ZNF438: variants seen among roughly 807,000 people sequenced by gnomAD.
The protein encoded by ZNF438 is zinc finger protein 438.
ZNF438 carries 25 observed loss-of-function variants against 38.0 expected under a neutral mutation model. The ratio of observed to expected loss-of-function variants is 0.66; its 90% confidence interval spans 0.48 to 0.92. The LOEUF is 0.92. ZNF438 is among the 40% of genes least tolerant of loss of function. The pLI, the probability that ZNF438 is intolerant of heterozygous loss-of-function variation, is 0.00. For missense variants in ZNF438, 1,007 were observed against 999.6 expected, an observed-to-expected ratio of 1.01 and a Z score of -0.10; for synonymous variants, 372 against 364.1, an observed-to-expected ratio of 1.02 and a Z score of -0.25.
chr10:31,026,414 TCAA>T (rs963445948), intron 1 of ZNF438, among the ~76,000 whole-genome samples: 42 of 151,972 alleles, frequency 2.8e-4, no homozygotes, highest in Admixed American at 2.1e-3. Context: ...AACAACCCCA[TCAA>T]CAAGTGTGCA....
At chr10:30,924,518 A>C (rs1011567236) in intron 2 of ZNF438, among the ~76,000 whole-genome samples, 1 of 152,352 alleles carries the variant, frequency 6.6e-6, no homozygotes, top group East Asian at 1.9e-4. Flanking sequence ...TTCCTGAGAA[A>C]GGAACTCAGA....
At chr10:30,927,048 T>C (rs7915093) in intron 2 of ZNF438, among the ~76,000 whole-genome samples, 97,549 of 152,108 alleles carry the variant, frequency 0.64, 32,476 homozygotes, top group African/African-American at 0.82. Context: ...GTGACCATAA[T>C]ACACGTTGTC....
chr10:30,960,637 G>A (rs1447211077), intron 1 of ZNF438, among the ~76,000 whole-genome samples: 1 of 146,420 alleles, frequency 6.8e-6, no homozygotes, highest in African/African-American at 2.4e-5. Context: ...CTATGCCACG[G>A]CCACGTTGTC....
At chr10:30,885,646 C>T (rs1194822316) in intron 3 of ZNF438, among the ~76,000 whole-genome samples, 3 of 152,168 alleles carry the variant, frequency 2.0e-5, no homozygotes, top group Non-Finnish European at 2.9e-5. Context: ...ATACACTCCT[C>T]ATGCTCTCCT....
intron 3 of ZNF438, among the ~76,000 whole-genome samples, chr10:30,889,832 T>C (rs1269860801): frequency 1.3e-5 from 2 of 152,170 alleles, no homozygotes; most frequent in Non-Finnish European, 2.9e-5. Context: ...GAGATGTACA[T>C]TTCTAACTGA....
At chr10:30,962,233 T>G (rs1238865690) in intron 1 of ZNF438, among the ~76,000 whole-genome samples, 1 of 147,086 alleles carries the variant, frequency 6.8e-6, no homozygotes, top group Non-Finnish European at 1.5e-5. Flanking sequence ...ATTTTAGATA[T>G]AAGCTTCAGC....
At position 30,957,027 on chromosome 10, in the gene ZNF438, T is replaced by A. The variant is rs530254642; in HGVS notation, c.-191-15376A>T. On this transcript the variant is annotated intron_variant, in intron 1 of 5. Coordinates refer to ENST00000413025, the Ensembl canonical transcript of ZNF438. ...CCCACCAACAGTGTAAATTAACAGT[T>A]CCCTTTTCTCCACATCCTTGCCAGG... Among the ~76,000 whole-genome samples the A allele has an allele frequency of 1.8e-4, 28 of 152,340 alleles. No individual in the cohort carries two copies. The East Asian group carries it at 5.2e-3, about 28-fold the overall frequency.
chr10:31,013,196 G>A (rs1458362943), intron 1 of ZNF438, among the ~76,000 whole-genome samples: 5 of 152,148 alleles, frequency 3.3e-5, no homozygotes, highest in Non-Finnish European at 7.3e-5. Flanking sequence ...GCGGGCGCCT[G>A]TAGTCCCAGC....
intron 3 of ZNF438, among the ~76,000 whole-genome samples, chr10:30,900,216 T>C (rs373721438): frequency 4.6e-5 from 7 of 152,192 alleles, no homozygotes; most frequent in Admixed American, 3.9e-4. Flanking sequence ...TCACAAAATA[T>C]CATCCTTTGT....
At chr10:30,915,087 T>C (rs1260957856) in intron 2 of ZNF438, among the ~76,000 whole-genome samples, 8 of 152,042 alleles carry the variant, frequency 5.3e-5, no homozygotes, top group Admixed American at 5.2e-4. Flanking sequence ...AAATGAAATA[T>C]CATAAATCAT....
chr10:30,967,492 TAAG>T (rs1489216398), intron 1 of ZNF438, among the ~76,000 whole-genome samples: 2 of 152,232 alleles, frequency 1.3e-5, no homozygotes, highest in Non-Finnish European at 2.9e-5. Context: ...AAGTGTGTTT[TAAG>T]AAGAAAAGAT....
intron 3 of ZNF438, among the ~76,000 whole-genome samples, chr10:30,901,918 G>A (rs1477958306): frequency 6.6e-6 from 1 of 152,044 alleles, no homozygotes; most frequent in Non-Finnish European, 1.5e-5. Context: ...ACAGACTTTC[G>A]CTGTGAGTGT....
At chr10:30,871,967 TACCTTTAAATAA>T (rs1206436177) in intron 4 of ZNF438, among the ~76,000 whole-genome samples, 1 of 152,196 alleles carries the variant, frequency 6.6e-6, no homozygotes, top group Non-Finnish European at 1.5e-5. Context: ...ATTTGAAAAC[TACCTTTAAATAA>T]CACAAATGTT....
intron 1 of ZNF438, among the ~76,000 whole-genome samples, chr10:30,947,920 T>A (rs796311371): frequency 6.6e-6 from 1 of 152,138 alleles, no homozygotes; most frequent in South Asian, 2.1e-4. Context: ...TGTCTGGCAC[T>A]CCCTAGTGAG....
intron 3 of ZNF438, among the ~76,000 whole-genome samples, chr10:30,895,752 G>A (rs1260698808): frequency 6.6e-6 from 1 of 152,102 alleles, no homozygotes; most frequent in Non-Finnish European, 1.5e-5. Flanking sequence ...CATATTAAAA[G>A]ATGATCACTA....
intron 2 of ZNF438, among the ~76,000 whole-genome samples, chr10:30,921,748 C>T (rs1025005635): frequency 3.9e-5 from 6 of 152,134 alleles, no homozygotes; most frequent in East Asian, 1.9e-4. Context: ...GAGGAACATC[C>T]GAGGCTGCTC....
At chr10:30,905,292 A>C (rs183437057) in intron 3 of ZNF438, among the ~76,000 whole-genome samples, 1 of 152,340 alleles carries the variant, frequency 6.6e-6, no homozygotes, top group East Asian at 1.9e-4. Context: ...GTTTTTGTCC[A>C]TATTTAAATT....
At chr10:30,968,434 C>CTTTTTTTT (rs546132410) in intron 1 of ZNF438, among the ~76,000 whole-genome samples, 1 of 103,616 alleles carries the variant, frequency 9.7e-6, no homozygotes, top group African/African-American at 4.0e-5. Context: ...TGAATGTAAA[C>CTTTTTTTT]TTTTTTTTTT....
At chr10:30,935,343 C>T (rs1468907335) in intron 2 of ZNF438, among the ~76,000 whole-genome samples, 1 of 152,198 alleles carries the variant, frequency 6.6e-6, no homozygotes, top group Non-Finnish European at 1.5e-5. Flanking sequence ...GCATATAGTT[C>T]CAGCATCTGT....
Sources: allele counts gnomAD v4.1 joint callset (sites outside exome capture counted in the v4.1 genomes callset), GRCh38; gene constraint gnomAD v4.1.1; transcripts MANE v1.5; gene names NCBI Gene and HGNC (gene_info 2026-07-23, HGNC 2026-07-21).